The following SRGAP2 variants were observed in gnomAD, a reference collection of about 807,000 sequenced individuals.
SRGAP2 encodes SLIT-ROBO Rho GTPase activating protein 2, also known as SLIT-ROBO Rho GTPase-activating protein 2.
A neutral mutation model predicts 57.2 loss-of-function variants in SRGAP2; 15 were observed. The observed-to-expected ratio is 0.26, with a 90% CI of 0.18 to 0.40. The LOEUF is 0.40. SRGAP2 is among the 10% of genes least tolerant of loss of function. The pLI is 1.00. For synonymous variants in SRGAP2, 249 were observed against 248.0 expected (o/e 1.00, Z -0.04); for missense variants, 520 against 669.6 (o/e 0.78, Z 2.47).
At chr1:206,440,642 G>C (rs1662208856) in intron 17 of SRGAP2, among the ~76,000 whole-genome samples, 1 of 151,988 alleles carries the variant, frequency 6.6e-6, no homozygotes, top group Admixed American at 6.5e-5. Flanking sequence ...CTGCCTCCTA[G>C]GTTCAAGCGA....
At position 206,461,437 on chromosome 1, in the gene SRGAP2, T is replaced by A. The variant is rs1553380767; in HGVS notation, c.*17T>A. ...ACTGTCTGAGGGATAATAATTTAAT[T>A]GTTCTAGACAAGGGGACTATAGGGA... On this transcript the variant is annotated 3_prime_UTR_variant, in exon 23 of 23. Transcript: ENST00000573034. The A allele has an allele frequency of 1.4e-6, 1 of 736,188 alleles. No homozygotes were observed. The highest frequency in any genetic ancestry group is 1.4e-5 in the South Asian group (1 of 69,080). 45.6% of individuals were successfully genotyped at this position (736,188 alleles called of 1,614,324 possible). A position where few individuals can be genotyped will look rare whatever the true frequency, so the allele number is the denominator to read the frequency against.
At chr1:206,452,084 C>T (rs35999008) in intron 19 of SRGAP2, among the ~76,000 whole-genome samples, 29,947 of 152,108 alleles carry the variant, frequency 0.2, 3,152 homozygotes, top group South Asian at 0.27. Flanking sequence ...AACAATAAGT[C>T]ATGCACACAT....
At chr1:206,414,423 A>G (rs1659498564) in intron 10 of SRGAP2, among the ~76,000 whole-genome samples, 1 of 152,202 alleles carries the variant, frequency 6.6e-6, no homozygotes, top group Non-Finnish European at 1.5e-5. Flanking sequence ...TGTTTTACTT[A>G]ATATACATTA....
intron 5 of SRGAP2, among the ~76,000 whole-genome samples, chr1:206,391,643 GCA>G (rs1284798473): frequency 2.9e-5 from 4 of 138,582 alleles, no homozygotes; most frequent in African/African-American, 1.2e-4. Flanking sequence ...ACACACACAT[GCA>G]CACACACACC....
At chr1:206,449,753 G>A (rs890006890) in intron 18 of SRGAP2, among the ~76,000 whole-genome samples, 1 of 152,014 alleles carries the variant, frequency 6.6e-6, no homozygotes, top group Non-Finnish European at 1.5e-5. Flanking sequence ...CCAGTTCACA[G>A]TCTGAACTGC....
At chr1:206,341,391 C>G (rs1675178498) in intron 3 of SRGAP2, among the ~76,000 whole-genome samples, 1 of 152,128 alleles carries the variant, frequency 6.6e-6, no homozygotes, top group Non-Finnish European at 1.5e-5. Flanking sequence ...GGTTTGAATT[C>G]TGGAATTGCC....
intron 2 of SRGAP2, among the ~76,000 whole-genome samples, chr1:206,256,886 C>T (rs553552886): frequency 1.3e-5 from 2 of 151,582 alleles, no homozygotes; most frequent in South Asian, 2.1e-4. Flanking sequence ...ACATTAGAAT[C>T]GTGCATTGTG....
intron 2 of SRGAP2, among the ~76,000 whole-genome samples, chr1:206,239,750 C>A (rs1330589767): frequency 2.0e-5 from 3 of 151,828 alleles, no homozygotes; most frequent in Non-Finnish European, 4.4e-5. Flanking sequence ...TAAGCCATTG[C>A]TCTCAGCCAA....
At chr1:206,264,408 T>A (rs540793814) in intron 2 of SRGAP2, among the ~76,000 whole-genome samples, 1 of 151,250 alleles carries the variant, frequency 6.6e-6, no homozygotes, top group East Asian at 1.9e-4. Context: ...TTGAGAATGG[T>A]TATAACTTTT....
chr1:206,457,181 A>G (rs1439630844), intron 21 of SRGAP2, among the ~76,000 whole-genome samples: 1 of 152,036 alleles, frequency 6.6e-6, no homozygotes, highest in Non-Finnish European at 1.5e-5. Context: ...GTTTCAGCCC[A>G]TGAGTCAGCT....
Position 206,303,327 on chromosome 1 carries a change from G to A in SRGAP2, c.114G>A (p.Gln38=). The change falls in exon 3 of 23, where the codon CAG becomes CAA. Residue 38 remains glutamine, a synonymous_variant. Transcript: ENST00000573034. ...AGCAGATGAAATGCCTGGACCAGCA[G>A]TGTGAGCTTCGGGTGCAACTGTTGC... ...LTEQMKCLDQ[Q]CELRVQLLQD... The A allele has an allele frequency of 5.5e-6, 8 of 1,447,752 alleles. No homozygotes were observed. The highest frequency in any genetic ancestry group is 7.4e-6 in the Non-Finnish European group (8 of 1,078,896). The allele number at this position is 1,447,752 out of a possible 1,614,324, so 89.7% of individuals were successfully genotyped here.
chr1:206,280,958 CAT>C (rs1315499727), intron 2 of SRGAP2, among the ~76,000 whole-genome samples: 2 of 152,230 alleles, frequency 1.3e-5, no homozygotes, highest in Non-Finnish European at 2.9e-5. Context: ...AGGATCTGCA[CAT>C]AGTTAACTCT....
chr1:206,458,395 G>A (rs1353860359), intron 21 of SRGAP2: 3 of 697,126 alleles, frequency 4.3e-6, no homozygotes, highest in Middle Eastern at 4.7e-4. Flanking sequence ...ACAACACAAA[G>A]CCCGTGACCA....
chr1:206,421,300 G>T, intron 13 of SRGAP2, 26 bp downstream of exon 13: 1 of 772,124 alleles, frequency 1.3e-6, no homozygotes, highest in Non-Finnish European at 2.4e-6. Flanking sequence ...GGGCCAGGCT[G>T]GTCTGGCCTG....
At chr1:206,386,895 T>G (rs1450867447) in intron 5 of SRGAP2, among the ~76,000 whole-genome samples, 3 of 144,862 alleles carry the variant, frequency 2.1e-5, no homozygotes, top group African/African-American at 7.7e-5. Context: ...GAGGCTGAGG[T>G]GGGCGGATCA....
intron 2 of SRGAP2, among the ~76,000 whole-genome samples, chr1:206,293,492 A>C (rs1279627860): frequency 6.4e-4 from 19 of 29,540 alleles, no homozygotes; most frequent in African/African-American, 2.2e-3. Flanking sequence ...GCTAACTACA[A>C]CCCTTCATCT....
chr1:206,414,660 A>G (rs1051998628), intron 10 of SRGAP2, among the ~76,000 whole-genome samples: 2 of 152,122 alleles, frequency 1.3e-5, no homozygotes, highest in Non-Finnish European at 2.9e-5. Context: ...GAGAGCGGAA[A>G]AGATACTGTG....
intron 2 of SRGAP2, among the ~76,000 whole-genome samples, chr1:206,255,670 GT>G (rs1669140443): frequency 7.7e-6 from 1 of 129,638 alleles, no homozygotes; most frequent in South Asian, 3.0e-4. Flanking sequence ...ACAGTTGTCT[GT>G]GTAACTGTGT....
chr1:206,250,327 G>A (rs1668761017), intron 2 of SRGAP2, among the ~76,000 whole-genome samples: 1 of 150,436 alleles, frequency 6.6e-6, no homozygotes. Flanking sequence ...TCTGACATAC[G>A]ATTCTGTAGT....
Sources: allele counts gnomAD v4.1 joint callset (sites outside exome capture counted in the v4.1 genomes callset), GRCh38; gene constraint gnomAD v4.1.1; transcripts MANE v1.5; gene names NCBI Gene and HGNC (gene_info 2026-07-23, HGNC 2026-07-21).